NUDCD3: variants seen among roughly 807,000 people sequenced by gnomAD.
The protein encoded by NUDCD3 is NudC domain containing 3, also known as nudC domain-containing protein 3.
In NUDCD3, 13 loss-of-function variants were observed where a neutral mutation model predicts 39.7. That is an observed-to-expected ratio of 0.33 (90% confidence interval 0.21 to 0.52). NUDCD3 has a LOEUF of 0.52. Ranked by LOEUF, NUDCD3 falls within the 20% of genes least tolerant of loss-of-function variation. The pLI, the probability that NUDCD3 is intolerant of heterozygous loss-of-function variation, is 0.96. For missense variants in NUDCD3, 453 were observed against 458.1 expected (o/e 0.99, Z 0.10); for synonymous variants, 175 against 172.4 (o/e 1.02, Z -0.12).
At chr7:44,475,275 C>A (rs1800343080) in intron 2 of NUDCD3, among the ~76,000 whole-genome samples, 1 of 152,076 alleles carries the variant, frequency 6.6e-6, no homozygotes, top group Non-Finnish European at 1.5e-5. Flanking sequence ...CCACACTCAG[C>A]TAATTTTTGT....
In NUDCD3 at chr7:44,392,462, C is replaced by T; in HGVS notation, c.810G>A (p.Glu270=). 6.2e-7 allele frequency: 1 copy of T among 1,614,076 alleles called. No homozygotes were observed. Among genetic ancestry groups the T allele is most frequent in the African/African-American group, 1.3e-5 (1 of 75,044 alleles). Residue 270 remains glutamate, a synonymous_variant, in exon 5 of 6, where the codon GAG becomes GAA. Transcript: ENST00000355451. Reference sequence around the variant, plus strand: ...CCTCCAGGATGGCGTTCCACCAATACTCGCCCACCTTGCTCAGGTTCACCT... The same window carrying T: ...CCTCCAGGATGGCGTTCCACCAATATTCGCCCACCTTGCTCAGGTTCACCT... ...CVLVNLSKVG[E]YWWNAILEGE... is the part of the protein sequence containing the mutation.
chr7:44,384,325 G>C lies in NUDCD3; in HGVS notation c.*1686C>G, dbSNP rs1224925872. 6.6e-6 allele frequency: 1 copy of C among 152,146 alleles called. No homozygotes were observed. The highest frequency in any genetic ancestry group is 2.4e-5 in the African/African-American group (1 of 41,406). 9.4% of individuals were successfully genotyped at this position (152,146 alleles called of 1,614,324 possible). On this transcript the variant is annotated 3_prime_UTR_variant, in exon 6 of 6. Coordinates refer to ENST00000355451, the MANE Select transcript of NUDCD3 (RefSeq NM_015332.4). ...AGAACTCCAGGAAAAAAAATGACAA[G>C]TCTTTCTCAGGACCCCTCATAGATG...
chr7:44,401,114 T>A (rs549658268), intron 4 of NUDCD3, among the ~76,000 whole-genome samples: 1 of 152,326 alleles, frequency 6.6e-6, no homozygotes, highest in South Asian at 2.1e-4. Flanking sequence ...ACCCAAAACC[T>A]GGCAGCTGCT....
At chr7:44,428,371 G>A (rs948857965) in intron 2 of NUDCD3, among the ~76,000 whole-genome samples, 5 of 151,712 alleles carry the variant, frequency 3.3e-5, no homozygotes, top group African/African-American at 1.2e-4. Context: ...GGGAGGCGGA[G>A]GTTGCAGGTT....
chr7:44,440,496 G>GAAAAAAAAAAAAAAAAAAAAA (rs72065068), intron 2 of NUDCD3, among the ~76,000 whole-genome samples: 2 of 48,386 alleles, frequency 4.1e-5, no homozygotes, highest in Non-Finnish European at 8.1e-5. Flanking sequence ...CAGAAAAATT[G>GAAAAAAAAAAAAAAAAAAAAA]AAAAAAAAAA....
intron 4 of NUDCD3, chr7:44,402,712 A>G: frequency 2.2e-6 from 1 of 456,638 alleles, no homozygotes. Context: ...CACTGAGTTC[A>G]CCCAACGGAA....
chr7:44,478,590 T>C (rs1231074094), intron 2 of NUDCD3, among the ~76,000 whole-genome samples: 3 of 152,030 alleles, frequency 2.0e-5, no homozygotes, highest in Non-Finnish European at 2.9e-5. Context: ...AGCCCTGGGG[T>C]GGGGGCATTT....
In NUDCD3 at chr7:44,423,751, C is replaced by T. The variant is rs930327691; in HGVS notation, c.642+3820G>A. Among the ~76,000 whole-genome samples the T allele has an allele frequency of 3.6e-4, 55 of 152,156 alleles. 1 individual carries two copies. Among genetic ancestry groups the T allele is most frequent in the African/African-American group, 1.3e-3 (54 of 41,424 alleles). ...TTTATAGACGCAATGCTATTCCCAC[C>T]AACCTACCATTGACTTTCTTCACAG... On this transcript the variant is annotated intron_variant, in intron 3 of 5. Coordinates refer to ENST00000355451, the MANE Select transcript of NUDCD3 (RefSeq NM_015332.4).
At position 44,383,719 on chromosome 7, in the gene NUDCD3, G is replaced by A. The variant is rs1419328607; in HGVS notation, c.*2292C>T. 1 of 152,296 alleles carries A rather than the reference G, an allele frequency of 6.6e-6. No individual in the cohort carries two copies. Among genetic ancestry groups the A allele is most frequent in the African/African-American group, 2.4e-5 (1 of 41,468 alleles). The allele number at this position is 152,296 out of a possible 1,614,324, so 9.4% of individuals were successfully genotyped here. A position where few individuals can be genotyped will look rare whatever the true frequency, so the allele number is the denominator to read the frequency against. On this transcript the variant is annotated 3_prime_UTR_variant, in exon 6 of 6. Coordinates refer to ENST00000355451, the MANE Select transcript of NUDCD3 (RefSeq NM_015332.4). ...CCCCGCTTTCCTCGGACCTCAGCTG[G>A]TGGGACTTAGTGGCTGGCCAAACTG... is the stretch of plus-strand genomic sequence containing the variant.
At chr7:44,412,951 A>AAAAAAAAAAAAAAAAG (rs1554489215) in intron 3 of NUDCD3, among the ~76,000 whole-genome samples, 2 of 144,392 alleles carry the variant, frequency 1.4e-5, no homozygotes, top group Non-Finnish European at 1.5e-5. Flanking sequence ...AAGAAAAAAA[A>AAAAAAAAAAAAAAAAG]AAAGAAAGAA....
chr7:44,444,544 T>C (rs1311971735), intron 2 of NUDCD3, among the ~76,000 whole-genome samples: 3 of 152,218 alleles, frequency 2.0e-5, no homozygotes, highest in Admixed American at 1.3e-4. Context: ...AATCTTACAC[T>C]AAGTCCTTTT....
chr7:44,406,777 T>A (rs889286847), intron 3 of NUDCD3, among the ~76,000 whole-genome samples: 4 of 151,468 alleles, frequency 2.6e-5, no homozygotes, highest in Non-Finnish European at 4.4e-5. Context: ...ACAGTGAAAA[T>A]GGGGGAAGAG....
chr7:44,465,089 G>A (rs1028877907), intron 2 of NUDCD3, among the ~76,000 whole-genome samples: 4 of 152,262 alleles, frequency 2.6e-5, no homozygotes, highest in South Asian at 2.1e-4. Flanking sequence ...TTTGCTCTCC[G>A]CCCTGTGCCC....
At chr7:44,418,734 C>G (rs1049706360) in intron 3 of NUDCD3, among the ~76,000 whole-genome samples, 1 of 152,208 alleles carries the variant, frequency 6.6e-6, no homozygotes. Context: ...CCCTGTTCAT[C>G]TCATTGGGAC....
intron 3 of NUDCD3, among the ~76,000 whole-genome samples, chr7:44,421,234 T>C (rs1397767003): frequency 1.3e-5 from 2 of 150,318 alleles, no homozygotes; most frequent in African/African-American, 4.9e-5. Context: ...CATGGGAGGC[T>C]GAGGCAGGAG....
intron 4 of NUDCD3, chr7:44,402,617 C>T (rs749434413): frequency 1.3e-5 from 6 of 456,424 alleles, no homozygotes; most frequent in South Asian, 9.3e-5. Flanking sequence ...AAAAGTGCAA[C>T]CGGACCACAC....
intron 2 of NUDCD3, among the ~76,000 whole-genome samples, chr7:44,478,038 T>A (rs962419370): frequency 6.6e-6 from 1 of 152,050 alleles, no homozygotes; most frequent in Non-Finnish European, 1.5e-5. Context: ...TTCACCATGT[T>A]GGTGAGGCTT....
intron 2 of NUDCD3, among the ~76,000 whole-genome samples, chr7:44,459,725 C>G (rs1799971472): frequency 6.6e-6 from 1 of 152,186 alleles, no homozygotes; most frequent in African/African-American, 2.4e-5. Flanking sequence ...CAAACATTAA[C>G]TGTATGGCTA....
chr7:44,465,543 T>C (rs983077471), intron 2 of NUDCD3, among the ~76,000 whole-genome samples: 4 of 152,240 alleles, frequency 2.6e-5, no homozygotes, highest in Non-Finnish European at 5.9e-5. Flanking sequence ...CTGCTCAATT[T>C]TGCTGTGAAC....
Sources: gnomAD v4.1 joint callset for allele counts (sites outside exome capture counted in the v4.1 genomes callset) on GRCh38, gnomAD v4.1.1 for gene constraint, MANE v1.5 for transcripts, NCBI Gene and HGNC (gene_info 2026-07-23, HGNC 2026-07-21) for gene names.